Variants in LRCH2 observed in about 807,000 individuals in gnomAD.
LRCH2 encodes the protein leucine rich repeats and calponin homology domain containing 2.
A neutral mutation model predicts 68.9 loss-of-function variants in LRCH2; 38 were observed. The observed-to-expected ratio is 0.55, with a 90% CI of 0.43 to 0.72. LRCH2 has a LOEUF of 0.72. Ranked by LOEUF, LRCH2 falls within the 30% of genes least tolerant of loss-of-function variation. The probability of loss-of-function intolerance (pLI) is 0.00; values close to 1 mark genes in which losing one functional copy is unlikely to be tolerated. For missense variants in LRCH2, 528 were observed against 572.9 expected (o/e 0.92, Z 0.80); for synonymous variants, 191 against 208.1 (o/e 0.92, Z 0.71).
chrX:115,229,205 T>C (rs1180421637), intron 1 of LRCH2, among the ~76,000 whole-genome samples: 3 of 111,843 alleles, frequency 2.7e-5, no homozygotes, highest in African/African-American at 9.7e-5. Flanking sequence ...AACCTATTTA[T>C]TGGCATGGTG....
At chrX:115,167,241 A>C (rs1304104349) in intron 6 of LRCH2, among the ~76,000 whole-genome samples, 37 of 105,222 alleles carry the variant, frequency 3.5e-4, no homozygotes, top group African/African-American at 1.2e-3. Context: ...ACAAAAAAAA[A>C]CTTTTTTTTG....
intron 1 of LRCH2, among the ~76,000 whole-genome samples, chrX:115,211,759 A>ATC (rs1569517330): frequency 3.6e-5 from 4 of 109,811 alleles, no homozygotes; most frequent in Non-Finnish European, 7.7e-5. Context: ...CAACATCCAC[A>ATC]CACCCCCCCA....
At chrX:115,153,494 A>G (rs1259748996) in intron 12 of LRCH2, among the ~76,000 whole-genome samples, 9 of 111,378 alleles carry the variant, frequency 8.1e-5, no homozygotes, top group Non-Finnish European at 1.7e-4. Flanking sequence ...GATAGTAACT[A>G]AGGGATTGAA....
chrX:115,192,844 G>A, intron 1 of LRCH2: 3 of 440,586 alleles, frequency 6.8e-6, no homozygotes, highest in Non-Finnish European at 7.9e-6. Context: ...CTTTCAACAA[G>A]TTCTTGTTAA....
At position 115,123,124 on chromosome X, in the gene LRCH2, C is replaced by T. The variant is rs781821054; in HGVS notation, c.1918G>A (p.Glu640Lys). ...TGCTCTCGCTCTTCCCGTAAATGTT[C>T]CATCTTTCTTCTCATTGTAAATCCT... The part of the protein sequence containing the change: ...DPGFTMRRKM[E>K]HLREEREQIR... Residue 640 changes from glutamate to lysine, a missense_variant, in exon 18 of 21, where the codon GAA becomes AAA. Glu to Lys is a moderately conservative substitution (Grantham distance 56). Coordinates refer to ENST00000317135, the MANE Select transcript of LRCH2 (RefSeq NM_020871.4). The T allele has an allele frequency of 6.6e-6, 8 of 1,210,293 alleles. No homozygotes were observed. The South Asian group carries it at 1.4e-4, about 21-fold the overall frequency.
rs1556544149 is a variant in LRCH2, at chrX:115,165,431, T to C, written c.1329A>G (p.Lys443=). 8.8e-7 allele frequency: 1 copy of C among 1,133,643 alleles called. No individual in the cohort carries two copies. The highest frequency in any genetic ancestry group is 2.0e-5 in the South Asian group (1 of 50,325). The allele number at this position is 1,133,643 out of a possible 1,213,427, so 93.4% of individuals were successfully genotyped here. ...GKEKCSEKSR[K]NEELGDEKRL... ...TTTTTTCATCTCCTAATTCTTCATTTTTCCGAGATTTTTCAGAACATTTTT... is the reference window on the plus strand; with the variant it reads ...TTTTTTCATCTCCTAATTCTTCATTCTTCCGAGATTTTTCAGAACATTTTT... Residue 443 remains lysine (K), a synonymous_variant, in exon 10 of 21, where the codon AAA becomes AAG. Transcript: ENST00000317135.
At chrX:115,189,799 C>T (rs1470492655) in intron 1 of LRCH2, 4 of 1,166,090 alleles carry the variant, frequency 3.4e-6, no homozygotes, top group South Asian at 1.9e-5. Context: ...CAGCCCACAG[C>T]GACCCCCCTC....
At chrX:115,152,807 T>C (rs1331657388) in intron 12 of LRCH2, among the ~76,000 whole-genome samples, 1 of 110,729 alleles carries the variant, frequency 9.0e-6, no homozygotes, top group Admixed American at 9.6e-5. Flanking sequence ...CACCAAGATA[T>C]ATCACCATCA....
chrX:115,198,937 T>A (rs1269206557), intron 1 of LRCH2, among the ~76,000 whole-genome samples: 1 of 110,580 alleles, frequency 9.0e-6, no homozygotes, highest in African/African-American at 3.3e-5. Flanking sequence ...AATGCTGAAA[T>A]AAAAAAAACC....
intron 5 of LRCH2, among the ~76,000 whole-genome samples, chrX:115,173,109 A>G (rs1371990649): frequency 9.0e-6 from 1 of 111,051 alleles, no homozygotes; most frequent in Non-Finnish European, 1.9e-5. Flanking sequence ...AATATGCTCC[A>G]TTTTTCCTCT....
rs1315906968 is a variant in LRCH2 at position 115,112,469 on chromosome X, A to C, written c.*747T>G. The C allele has an allele frequency of 8.9e-6, 1 of 112,154 alleles. No individual in the cohort carries two copies. The highest frequency in any genetic ancestry group is 1.9e-5 in the Non-Finnish European group (1 of 52,984). The allele number at this position is 112,154 out of a possible 1,213,427, so 9.2% of individuals were successfully genotyped here. A position where few individuals can be genotyped will look rare whatever the true frequency, so the allele number is the denominator to read the frequency against. On this transcript the variant is annotated 3_prime_UTR_variant, in exon 21 of 21. Transcript: ENST00000317135. ...ATTTAAGGGAAACTGCAATGGACTA[A>C]CTAAAAAACCACAAATGTCACAATG...
At chrX:115,228,967 T>G (rs1331369721) in intron 1 of LRCH2, among the ~76,000 whole-genome samples, 1 of 111,402 alleles carries the variant, frequency 9.0e-6, no homozygotes, top group Non-Finnish European at 1.9e-5. Context: ...CTGTATACAT[T>G]TGACTATTGT....
At chrX:115,209,392 G>A (rs1556569276) in intron 1 of LRCH2, among the ~76,000 whole-genome samples, 1 of 111,763 alleles carries the variant, frequency 8.9e-6, no homozygotes, top group African/African-American at 3.3e-5. Context: ...AGTCTCACAA[G>A]ATCTGATGGT....
intron 14 of LRCH2, among the ~76,000 whole-genome samples, chrX:115,147,688 A>T (rs1556536847): frequency 9.0e-6 from 1 of 111,663 alleles, no homozygotes; most frequent in Non-Finnish European, 1.9e-5. Context: ...CTCAGTTTTT[A>T]AAATGCACAT....
At chrX:115,142,969 G>A (rs2072352179) in intron 14 of LRCH2, among the ~76,000 whole-genome samples, 1 of 110,288 alleles carries the variant, frequency 9.1e-6, no homozygotes, top group African/African-American at 3.3e-5. Flanking sequence ...GTGTGGTGGT[G>A]CCTGTAGTCC....
At chrX:115,211,464 G>C (rs999240691) in intron 1 of LRCH2, among the ~76,000 whole-genome samples, 3 of 111,564 alleles carry the variant, frequency 2.7e-5, no homozygotes. Flanking sequence ...TCTTTCTTTT[G>C]TAAATTGCCC....
chrX:115,227,476 T>C (rs1457072247), intron 1 of LRCH2, among the ~76,000 whole-genome samples: 2 of 109,659 alleles, frequency 1.8e-5, no homozygotes, highest in African/African-American at 6.6e-5. Context: ...CTTTACAAAA[T>C]ATCTATATGA....
Position 115,150,050 on chromosome X carries a change from T to A in LRCH2, c.1550A>T (p.Asn517Ile). The A allele has an allele frequency of 8.5e-7, 1 of 1,171,363 alleles. No individual in the cohort carries two copies. Among genetic ancestry groups the A allele is most frequent in the Non-Finnish European group, 1.1e-6 (1 of 873,858 alleles). ...CCAGGTGAGGGGTGATAATGGTGAA[T>A]TAACTTCATCTGCTGAGACACTAAA... ...CEKSVSADEV[N>I]SPLSPLTWQP... Residue 517 changes from asparagine (N) to isoleucine (I), a missense_variant, in exon 13 of 21, where the codon AAT (asparagine) becomes ATT (isoleucine). By Grantham distance (149) the Asn-to-Ile change is moderately radical (BLOSUM62 -3). Transcript: ENST00000317135.
chrX:115,179,865 T>C (rs1347907061), intron 3 of LRCH2, 114 bp from the exon 4 acceptor site: 4 of 232,333 alleles, frequency 1.7e-5, no homozygotes, highest in Non-Finnish European at 1.5e-5. Context: ...GCAAAAGTTA[T>C]CCTCTAATGT....
Sources: allele counts gnomAD v4.1 joint callset (sites outside exome capture counted in the v4.1 genomes callset), GRCh38; gene constraint gnomAD v4.1.1; transcripts MANE v1.5; gene names NCBI Gene and HGNC (gene_info 2026-07-23, HGNC 2026-07-21).